Variants in USP29 observed in about 807,000 individuals in gnomAD.
The protein encoded by USP29 is ubiquitin carboxyl-terminal hydrolase 29.
For synonymous variants in USP29, 386 were observed against 387.4 expected (o/e 1.00, Z 0.04); for missense variants, 1,102 against 1,069.0 (o/e 1.03, Z -0.43).
intron 1 of USP29, among the ~76,000 whole-genome samples, chr19:57,121,037 G>A (rs2086792713): frequency 6.6e-6 from 1 of 150,804 alleles, no homozygotes; most frequent in African/African-American, 2.4e-5. Flanking sequence ...AGAGGCTGCA[G>A]TGAGCCGAGA....
chr19:57,129,065 C>T lies in USP29; in HGVS notation c.390C>T (p.Asp130=). 6.2e-7 allele frequency: 1 copy of T among 1,612,440 alleles called. No homozygotes were observed. Among genetic ancestry groups the T allele is most frequent in the South Asian group, 1.1e-5 (1 of 90,608 alleles). ...GCAGGAATATGCTGAAGGAAATTGA[C>T]AAAACTTCATTTTACAGCATTTGTA... The part of the protein sequence containing the change: ...FESRNMLKEI[D]KTSFYSICNK... Residue 130 remains aspartate, a synonymous_variant, in exon 4 of 4, where the codon GAC becomes GAT. Transcript: ENST00000254181.
chr19:57,130,672 G>C lies in USP29; in HGVS notation c.1997G>C (p.Gly666Ala). Residue 666 changes from glycine to alanine, a missense_variant, in exon 4 of 4, where the codon GGA (glycine) becomes GCA (alanine). Gly to Ala is a moderately conservative substitution (Grantham distance 60). Transcript: ENST00000254181. ...TCTCTTCCTGTGATGTATGAAGATG[G>C]AGGGAAGCTGATCAGCAGCCCAGAC... Reference protein sequence around the residue: ...DISLPVMYEDGGKLISSPDTR... With the variant: ...DISLPVMYEDAGKLISSPDTR... 1 of 1,614,178 alleles carries C rather than the reference G, an allele frequency of 6.2e-7. No individual in the cohort carries two copies.
rs1270274228 is a variant in USP29, at chr19:57,130,025, T to G, written c.1350T>G (p.Pro450=). The G allele has an allele frequency of 1.2e-6, 2 of 1,614,032 alleles. No homozygotes were observed. Among genetic ancestry groups the G allele is most frequent in the Non-Finnish European group, 1.7e-6 (2 of 1,180,026 alleles). ...ACGHAVLKVE[P]NNYLSINLHQ... ...GTCATGCTGTTCTCAAGGTAGAACC[T>G]AATAATTATCTCTCCATCAACCTGC... Residue 450 remains proline, a synonymous_variant, in exon 4 of 4, where the codon CCT becomes CCG. Coordinates refer to ENST00000254181, the MANE Select transcript of USP29 (RefSeq NM_020903.3).
At position 57,131,087 on chromosome 19, in the gene USP29, A is replaced by G. The variant is rs1301493290; in HGVS notation, c.2412A>G (p.Arg804=). The change falls in exon 4 of 4, where the codon AGA becomes AGG. Residue 804 remains arginine (R), a synonymous_variant. Transcript: ENST00000254181. ...NKNILDAENT[R]GEAKELTRNV... ...ACATTTTAGATGCAGAGAACACAAGAGGTGAAGCCAAGGAACTAACAAGAA... is the reference window on the plus strand; with the variant it reads ...ACATTTTAGATGCAGAGAACACAAGGGGTGAAGCCAAGGAACTAACAAGAA... 1.2e-6 allele frequency: 2 copies of G among 1,614,188 alleles called. No individual in the cohort carries two copies. The highest frequency in any genetic ancestry group is 2.2e-5 in the South Asian group (2 of 91,084).
intron 2 of USP29, 109 bp from the exon 3 acceptor site, chr19:57,123,930 G>A (rs549430027): frequency 6.6e-6 from 1 of 152,320 alleles, no homozygotes; most frequent in Admixed American, 6.5e-5. Flanking sequence ...GGTTTTCCCA[G>A]TTTCTAAGAT....
At position 57,129,866 on chromosome 19, in the gene USP29, T is replaced by C. The variant is rs2086846040; in HGVS notation, c.1191T>C (p.Thr397=). The C allele has an allele frequency of 6.2e-7, 1 of 1,614,126 alleles. No individual in the cohort carries two copies. Among genetic ancestry groups the C allele is most frequent in the African/African-American group, 1.3e-5 (1 of 75,048 alleles). ...DMEKLNATLN[T]GKECGDENSS... is the part of the protein sequence containing the mutation. ...AAAAATTAAATGCCACTTTGAATAC[T>C]GGGAAAGAATGTGGGGATGAAAATT... The change falls in exon 4 of 4, where the codon ACT becomes ACC. Residue 397 remains threonine (T), a synonymous_variant. Transcript: ENST00000254181.
In USP29 at chr19:57,131,697, T is replaced by C; in HGVS notation, c.*253T>C. 2 of 503,764 alleles carry C rather than the reference T, an allele frequency of 4.0e-6. No individual in the cohort carries two copies. The highest frequency in any genetic ancestry group is 4.1e-5 in the South Asian group (1 of 24,292). 31.2% of individuals were successfully genotyped at this position (503,764 alleles called of 1,614,324 possible). Reference sequence around the variant, plus strand: ...CACGTTTTGACGGTGGTTTTCAAAATGTTGTTCTTCAACCAGCAACAGCAA... The same window carrying C: ...CACGTTTTGACGGTGGTTTTCAAAACGTTGTTCTTCAACCAGCAACAGCAA... On this transcript the variant is annotated 3_prime_UTR_variant, in exon 4 of 4. Coordinates refer to ENST00000254181, the MANE Select transcript of USP29 (RefSeq NM_020903.3).
chr19:57,130,138 T>A lies in USP29; in HGVS notation c.1463T>A (p.Met488Lys). The A allele has an allele frequency of 6.2e-7, 1 of 1,614,012 alleles. No individual in the cohort carries two copies. Among genetic ancestry groups the A allele is most frequent in the Non-Finnish European group, 8.5e-7 (1 of 1,180,008 alleles). ...KEEELEYNCQ[M>K]CKQKSCVARH... The stretch of plus-strand genomic sequence containing the variant: ...GAAGAGCTTGAATATAACTGTCAGA[T>A]GTGTAAGCAGAAGAGTTGTGTTGCA... Residue 488 changes from methionine (M) to lysine (K), a missense_variant, in exon 4 of 4, where the codon ATG becomes AAG. Coordinates refer to ENST00000254181, the MANE Select transcript of USP29 (RefSeq NM_020903.3).
chr19:57,122,713 GT>G (rs1206835574), intron 2 of USP29, among the ~76,000 whole-genome samples: 5 of 152,062 alleles, frequency 3.3e-5, no homozygotes, highest in Non-Finnish European at 7.4e-5. Context: ...TGAGGGGATA[GT>G]TTTCTGTTTT....
Position 57,129,414 on chromosome 19 carries a change from A to G in USP29, c.739A>G (p.Thr247Ala). 6.2e-7 allele frequency: 1 copy of G among 1,614,114 alleles called. No homozygotes were observed. ...AGATGAGACTGTTCTTGCAACCCAGACTCTCAATGCCAAAAATGGTTTGAC... is the reference window on the plus strand; with the variant it reads ...AGATGAGACTGTTCTTGCAACCCAGGCTCTCAATGCCAAAAATGGTTTGAC... Reference protein sequence around the residue: ...NLDETVLATQTLNAKNGLTSP... With the variant: ...NLDETVLATQALNAKNGLTSP... Residue 247 changes from threonine (T) to alanine (A), a missense_variant, in exon 4 of 4, where the codon ACT (threonine) becomes GCT (alanine). Coordinates refer to ENST00000254181, the MANE Select transcript of USP29 (RefSeq NM_020903.3).
Position 57,129,017 on chromosome 19 carries a change from T to G in USP29, c.342T>G (p.Asp114Glu). The G allele has an allele frequency of 6.2e-7, 1 of 1,614,148 alleles. No homozygotes were observed. The highest frequency in any genetic ancestry group is 8.5e-7 in the Non-Finnish European group (1 of 1,180,024). Reference protein sequence around the residue: ...QNKSQQPMKSDDDWSVFESRN... With the variant: ...QNKSQQPMKSEDDWSVFESRN... ...AATCTCAGCAACCCATGAAATCTGA[T>G]GATGATTGGAGTGTGTTTGAAAGCA... The change falls in exon 4 of 4, where the codon GAT becomes GAG. Residue 114 changes from aspartate (D) to glutamate (E), a missense_variant. Physicochemically the swap from Asp to Glu is conservative, Grantham distance 45 (BLOSUM62 2). Coordinates refer to ENST00000254181, the MANE Select transcript of USP29 (RefSeq NM_020903.3).
chr19:57,125,159 G>T (rs536271594), intron 3 of USP29, among the ~76,000 whole-genome samples: 13 of 152,144 alleles, frequency 8.5e-5, no homozygotes, highest in Non-Finnish European at 1.5e-4. Context: ...GTGAAGCCAG[G>T]CTTTCCATGT....
In USP29 at chr19:57,130,449, G is replaced by T. The variant is rs1430438195; in HGVS notation, c.1774G>T (p.Val592Phe). 3 of 1,614,128 alleles carry T rather than the reference G, an allele frequency of 1.9e-6. No individual in the cohort carries two copies. The highest frequency in any genetic ancestry group is 2.5e-6 in the Non-Finnish European group (3 of 1,180,020). The stretch of plus-strand genomic sequence containing the variant: ...GACCTCAGAATCCAGTGATTCCCTG[G>T]TTCTACCCGTTGAACCAGACAAGAA... ...KLTSESSDSL[V>F]LPVEPDKNAD... The change falls in exon 4 of 4, where the codon GTT becomes TTT. Residue 592 changes from valine (V) to phenylalanine (F), a missense_variant. Val to Phe is a conservative substitution (Grantham distance 50, BLOSUM62 -1). Coordinates refer to ENST00000254181, the MANE Select transcript of USP29 (RefSeq NM_020903.3).
intron 3 of USP29, among the ~76,000 whole-genome samples, chr19:57,127,180 C>T (rs1038050165): frequency 6.6e-6 from 1 of 152,188 alleles, no homozygotes; most frequent in African/African-American, 2.4e-5. Flanking sequence ...CCAGAGCTCT[C>T]CTGCATGAGG....
chr19:57,131,062 A>G lies in USP29; in HGVS notation c.2387A>G (p.Asn796Ser), dbSNP rs1158136653. 1 of 1,614,080 alleles carries G rather than the reference A, an allele frequency of 6.2e-7. No individual in the cohort carries two copies. The highest frequency in any genetic ancestry group is 1.7e-5 in the Admixed American group (1 of 59,996). ...GGTTCTGACAACCCAGGAAACAAAA[A>G]CATTTTAGATGCAGAGAACACAAGA... ...ALGSDNPGNK[N>S]ILDAENTRGE... Residue 796 changes from asparagine to serine, a missense_variant, in exon 4 of 4, where the codon AAC (asparagine) becomes AGC (serine). Asn to Ser is a conservative substitution (Grantham distance 46). Transcript: ENST00000254181.
In USP29 at chr19:57,130,025, T is replaced by C; in HGVS notation, c.1350T>C (p.Pro450=). 6.2e-7 allele frequency: 1 copy of C among 1,614,150 alleles called. No individual in the cohort carries two copies. Among genetic ancestry groups the C allele is most frequent in the South Asian group, 1.1e-5 (1 of 91,066 alleles). Residue 450 remains proline (P), a synonymous_variant, in exon 4 of 4, where the codon CCT becomes CCC. Transcript: ENST00000254181. The part of the protein sequence containing the change: ...ACGHAVLKVE[P]NNYLSINLHQ... ...GTCATGCTGTTCTCAAGGTAGAACC[T>C]AATAATTATCTCTCCATCAACCTGC...
chr19:57,125,317 G>A (rs2086818208), intron 3 of USP29, among the ~76,000 whole-genome samples: 1 of 152,018 alleles, frequency 6.6e-6, no homozygotes, highest in African/African-American at 2.4e-5. Context: ...TAAAATAAGT[G>A]CTATGTGGTG....
upstream of USP29, among the ~76,000 whole-genome samples, chr19:57,119,479 G>A (rs535086082): frequency 1.5e-4 from 23 of 152,266 alleles, no homozygotes; most frequent in East Asian, 4.1e-3. Flanking sequence ...CTGGATTGTA[G>A]TGGCGCCATC....
chr19:57,128,314 C>G (rs1599917277), intron 3 of USP29, among the ~76,000 whole-genome samples: 1 of 152,180 alleles, frequency 6.6e-6, no homozygotes, highest in East Asian at 1.9e-4. Flanking sequence ...CTCAAGTGAT[C>G]CTTCCACTTG....
Sources: gnomAD v4.1 joint callset for allele counts (sites outside exome capture counted in the v4.1 genomes callset) on GRCh38, gnomAD v4.1.1 for gene constraint, MANE v1.5 for transcripts, NCBI Gene and HGNC (gene_info 2026-07-23, HGNC 2026-07-21) for gene names.